The following KIF4A variants were observed in gnomAD, a reference collection of about 807,000 sequenced individuals.
KIF4A encodes kinesin family member 4A, also known as chromosome-associated kinesin KIF4A.
A neutral mutation model predicts 105.9 loss-of-function variants in KIF4A; 7 were observed. The observed-to-expected ratio is 0.07, with a 90% CI of 0.04 to 0.12. The LOEUF is 0.12. Among genes scored for constraint, KIF4A ranks in the 10% least tolerant of loss-of-function variants. The pLI, the probability that KIF4A is intolerant of heterozygous loss-of-function variation, is 1.00. For synonymous variants in KIF4A, 281 were observed against 331.3 expected (o/e 0.85, Z 1.65); for missense variants, 558 against 929.2 (o/e 0.60, Z 5.19).
intron 20 of KIF4A, among the ~76,000 whole-genome samples, chrX:70,394,370 A>G (rs1004563056): frequency 9.2e-6 from 1 of 109,091 alleles, no homozygotes; most frequent in African/African-American, 3.4e-5. Flanking sequence ...TACCTGGCTA[A>G]TTTTTCTACT....
At chrX:70,387,614 T>C (rs1230775739) in intron 20 of KIF4A, among the ~76,000 whole-genome samples, 1 of 112,103 alleles carries the variant, frequency 8.9e-6, no homozygotes, top group African/African-American at 3.2e-5. Flanking sequence ...ACACCTATAA[T>C]CCCAGCACAT....
At chrX:70,295,884 T>G (rs1263478754) in intron 3 of KIF4A, among the ~76,000 whole-genome samples, 1 of 103,486 alleles carries the variant, frequency 9.7e-6, no homozygotes, top group African/African-American at 3.6e-5. Context: ...GCCACTGCAC[T>G]CCAGCCTGGG....
At chrX:70,361,090 T>A (rs1013623593) in intron 15 of KIF4A, among the ~76,000 whole-genome samples, 20 of 112,652 alleles carry the variant, frequency 1.8e-4, no homozygotes, top group African/African-American at 4.8e-4. Flanking sequence ...GCCCACGTGG[T>A]CACAGGTCCC....
intron 10 of KIF4A, among the ~76,000 whole-genome samples, chrX:70,340,443 A>C (rs2085968021): frequency 8.9e-6 from 1 of 112,197 alleles, no homozygotes; most frequent in African/African-American, 3.2e-5. Flanking sequence ...AAATCCTGGA[A>C]ATTTTTTAGG....
intron 15 of KIF4A, among the ~76,000 whole-genome samples, chrX:70,367,803 G>T (rs1273399092): frequency 9.0e-6 from 1 of 111,619 alleles, no homozygotes; most frequent in African/African-American, 3.3e-5. Flanking sequence ...GGCCTGCCTT[G>T]CTAGATTGGG....
intron 15 of KIF4A, chrX:70,362,140 C>T (rs185388947): frequency 3.7e-5 from 8 of 218,738 alleles, no homozygotes; most frequent in Non-Finnish European, 5.9e-5. Flanking sequence ...AGGGACTGGT[C>T]GAGAGTCTCT....
intron 10 of KIF4A, among the ~76,000 whole-genome samples, chrX:70,338,765 A>T (rs1399813144): frequency 9.0e-6 from 1 of 111,670 alleles, no homozygotes; most frequent in African/African-American, 3.3e-5. Context: ...ATTCATAGTT[A>T]GAAAGCCTTT....
chrX:70,291,660 T>C (rs1847981925), intron 3 of KIF4A, among the ~76,000 whole-genome samples: 1 of 111,897 alleles, frequency 8.9e-6, no homozygotes, highest in Non-Finnish European at 1.9e-5. Flanking sequence ...AGTAGAATCA[T>C]GGCATGCTAG....
rs753401406 is a variant in KIF4A at position 70,324,581 on chromosome X, A to C, written c.779-4824A>C. Among the ~76,000 whole-genome samples, 5 of 111,190 alleles carry C rather than the reference A, an allele frequency of 4.5e-5. No individual in the cohort carries two copies. The South Asian group carries it at 1.9e-3, about 42-fold the overall frequency. On this transcript the variant is annotated intron_variant, in intron 7 of 30. Coordinates refer to ENST00000374403, the MANE Select transcript of KIF4A (RefSeq NM_012310.5). ...TTTTCCACTGCTGCAGTTCTCAGAG[A>C]TCTGTCATCTGAACCATTAAAATAA... is the stretch of plus-strand genomic sequence containing the variant.
chrX:70,293,521 G>C (rs1440320511), intron 3 of KIF4A, among the ~76,000 whole-genome samples: 1 of 111,810 alleles, frequency 8.9e-6, no homozygotes, highest in East Asian at 2.8e-4. Flanking sequence ...TTAACGACAG[G>C]GATACCTTCT....
chrX:70,290,350 TGAGGAG>T, intron 1 of KIF4A, 82 bp from the exon 2 acceptor site: 6 of 1,069,559 alleles, frequency 5.6e-6, no homozygotes, highest in Admixed American at 5.4e-5. Flanking sequence ...GTGTTCCCGC[TGAGGAG>T]GGTCGGAACC....
chrX:70,302,423 T>A, intron 7 of KIF4A, 25 bp downstream of exon 7: 1 of 1,190,237 alleles, frequency 8.4e-7, no homozygotes. Flanking sequence ...AAGGTCACAG[T>A]TGTAGATTAA....
chrX:70,394,635 T>C (rs1227539680), intron 20 of KIF4A, among the ~76,000 whole-genome samples: 1 of 112,525 alleles, frequency 8.9e-6, no homozygotes, highest in Non-Finnish European at 1.9e-5. Flanking sequence ...CTGTTCTTCA[T>C]TTTCTTTTTC....
chrX:70,396,710 G>C (rs945020428), intron 22 of KIF4A, among the ~76,000 whole-genome samples: 1 of 112,152 alleles, frequency 8.9e-6, no homozygotes, highest in Admixed American at 9.5e-5. Context: ...TTCTAACATG[G>C]TAAGTAAAGT....
Position 70,368,659 on chromosome X carries a change from C to A in KIF4A, c.1675-5492C>A, listed in dbSNP as rs184724422. On this transcript the variant is annotated intron_variant, in intron 15 of 30. Coordinates refer to ENST00000374403, the MANE Select transcript of KIF4A (RefSeq NM_012310.5). ...CCGTGTGAGGTGTCAGTCTGCCCCT[C>A]CTGGGGGGTGCCTCCCAGTTAGGCT... Among the ~76,000 whole-genome samples the A allele has an allele frequency of 5.5e-3, 611 of 111,978 alleles. 3 individuals are homozygous for A. Among genetic ancestry groups the A allele is most frequent in the African/African-American group, 0.018 (567 of 30,789 alleles).
intron 7 of KIF4A, among the ~76,000 whole-genome samples, chrX:70,311,772 G>T (rs1306816075): frequency 9.1e-6 from 1 of 109,515 alleles, no homozygotes; most frequent in Non-Finnish European, 1.9e-5. Context: ...AGCAGCCTGA[G>T]CAACATAGCG....
At chrX:70,306,477 A>G (rs2085827375) in intron 7 of KIF4A, among the ~76,000 whole-genome samples, 3 of 112,611 alleles carry the variant, frequency 2.7e-5, no homozygotes, top group Non-Finnish European at 5.6e-5. Flanking sequence ...CTTTCAATGT[A>G]TGAACATCAG....
intron 2 of KIF4A, 34 bp downstream of exon 2, chrX:70,290,612 A>G (rs749803340): frequency 9.9e-5 from 120 of 1,206,857 alleles, no homozygotes; most frequent in Non-Finnish European, 1.3e-4. Flanking sequence ...GTGTCTGAAC[A>G]GCTGGGGCCA....
chrX:70,296,935 G>A (rs2085785581), intron 3 of KIF4A, 63 bp from the exon 4 acceptor site: 2 of 1,055,344 alleles, frequency 1.9e-6, no homozygotes, highest in Non-Finnish European at 2.6e-6. Context: ...TGAAGGAAAT[G>A]GAGTATATTG....
Sources: gnomAD v4.1 joint callset for allele counts (sites outside exome capture counted in the v4.1 genomes callset) on GRCh38, gnomAD v4.1.1 for gene constraint, MANE v1.5 for transcripts, NCBI Gene and HGNC (gene_info 2026-07-23, HGNC 2026-07-21) for gene names.